ANKRD30BL: variants seen among roughly 807,000 people sequenced by gnomAD.
ANKRD30BL encodes ankyrin repeat domain 30B like.
In ANKRD30BL, 20 loss-of-function variants were observed where a neutral mutation model predicts 18.4. That is an observed-to-expected ratio of 1.09 (90% confidence interval 0.77 to 1.58). The LOEUF (loss-of-function observed/expected upper bound fraction) is 1.58. ANKRD30BL is among the 40% of genes most tolerant of loss of function. The probability of loss-of-function intolerance (pLI) is 0.00; values close to 1 mark genes in which losing one functional copy is unlikely to be tolerated. For missense variants in ANKRD30BL, 224 were observed against 268.6 expected, an observed-to-expected ratio of 0.83 and a Z score of 1.16; for synonymous variants, 72 against 100.9, an observed-to-expected ratio of 0.71 and a Z score of 1.72.
intron 1 of ANKRD30BL, among the ~76,000 whole-genome samples, chr2:132,186,490 A>T (rs554050734): frequency 8.5e-5 from 13 of 152,352 alleles, no homozygotes; most frequent in African/African-American, 2.9e-4. Context: ...AATTCTGCCC[A>T]TTTTGGTGAA....
At chr2:132,162,169 C>T (rs1437647035), upstream of ANKRD30BL, among the ~76,000 whole-genome samples, 2 of 152,140 alleles carry the variant, frequency 1.3e-5, no homozygotes, top group African/African-American at 4.8e-5. Flanking sequence ...GATCCAGGAG[C>T]TGGGCCCTGG....
chr2:132,153,835 C>T (rs568383006), intron 4 of ANKRD30BL: 20 of 347,698 alleles, frequency 5.8e-5, no homozygotes, highest in Non-Finnish European at 1.1e-4. Flanking sequence ...TAAATCACGA[C>T]CAAGGCTAAA....
chr2:132,206,485 T>C (rs1021212399), intron 1 of ANKRD30BL, among the ~76,000 whole-genome samples: 53 of 152,182 alleles, frequency 3.5e-4, no homozygotes, highest in Non-Finnish European at 5.9e-4. Flanking sequence ...TGTAGACAAA[T>C]TACTTAATCT....
intron 1 of ANKRD30BL, among the ~76,000 whole-genome samples, chr2:132,233,913 C>A (rs1334784585): frequency 6.6e-6 from 1 of 152,060 alleles, no homozygotes; most frequent in South Asian, 2.1e-4. Context: ...ACACCTATTC[C>A]AAAATTGACC....
At chr2:132,207,804 T>C (rs1679238050) in intron 1 of ANKRD30BL, among the ~76,000 whole-genome samples, 1 of 152,110 alleles carries the variant, frequency 6.6e-6, no homozygotes, top group African/African-American at 2.4e-5. Context: ...AGTAGCCTGT[T>C]CATTAATTGG....
chr2:132,238,277 G>A (rs1288700014), intron 1 of ANKRD30BL, among the ~76,000 whole-genome samples: 1 of 151,904 alleles, frequency 6.6e-6, no homozygotes, highest in African/African-American at 2.4e-5. Flanking sequence ...ACAGCATTTG[G>A]ATTTCTTTGG....
chr2:132,217,038 T>C (rs781772053), intron 1 of ANKRD30BL, among the ~76,000 whole-genome samples: 1 of 151,998 alleles, frequency 6.6e-6, no homozygotes, highest in Non-Finnish European at 1.5e-5. Context: ...TTTTGACGAA[T>C]CTGCAAGTGG....
In ANKRD30BL at chr2:132,200,300, C is replaced by T. The variant is rs543593436; in HGVS notation, n.442-43154G>A. 6.2e-3 allele frequency among the ~76,000 whole-genome samples: 923 copies of T among 149,266 alleles called. 12 individuals carry two copies. Among genetic ancestry groups the T allele is most frequent in the African/African-American group, 0.022 (857 of 38,818 alleles). ...TGATGGAAGTTCTGGCCAGGGCAATCAGGCAGGAGAAGGAAATAAAGGGTA... is the reference window on the plus strand; with the variant it reads ...TGATGGAAGTTCTGGCCAGGGCAATTAGGCAGGAGAAGGAAATAAAGGGTA... On this transcript the variant is annotated intron_variant and non_coding_transcript_variant, in intron 1 of 4. Transcript: ENST00000470729.
chr2:132,194,032 T>TTC (rs764528052), intron 1 of ANKRD30BL, among the ~76,000 whole-genome samples: 1,729 of 137,902 alleles, frequency 0.013, 35 homozygotes, highest in African/African-American at 0.039. Context: ...CAGAGATAAT[T>TTC]TCTCTCTCTC....
intron 1 of ANKRD30BL, among the ~76,000 whole-genome samples, chr2:132,235,438 C>T (rs1680128658): frequency 6.6e-6 from 1 of 152,028 alleles, no homozygotes; most frequent in Non-Finnish European, 1.5e-5. Flanking sequence ...TCTAGAAAAC[C>T]CCATTGTCTC....
intron 1 of ANKRD30BL, among the ~76,000 whole-genome samples, chr2:132,241,856 T>G (rs796934252): frequency 6.6e-6 from 1 of 152,044 alleles, no homozygotes; most frequent in East Asian, 1.9e-4. Flanking sequence ...GGGAATATCT[T>G]CACATAAAAA....
rs189473343 is a variant in ANKRD30BL, at chr2:132,198,576, G to T, written n.442-41430C>A. Among the ~76,000 whole-genome samples, 160 of 150,916 alleles carry T rather than the reference G, an allele frequency of 1.1e-3. 4 individuals carry two copies. The East Asian group carries it at 0.029, about 27-fold the overall frequency. ...CTGACCTCGTGATCTGCCCGCCTTG[G>T]CCTCCCAAAGTGCTGGGATCACAGG... On this transcript the variant is annotated intron_variant and non_coding_transcript_variant, in intron 1 of 4. Coordinates refer to the ANKRD30BL transcript ENST00000470729.
At chr2:132,151,771 A>G (rs62165776) in intron 4 of ANKRD30BL, among the ~76,000 whole-genome samples, 2 of 151,728 alleles carry the variant, frequency 1.3e-5, no homozygotes, top group Non-Finnish European at 2.9e-5. Context: ...GTAATGAAAT[A>G]TATTTATAAA....
intron 4 of ANKRD30BL, 103 bp downstream of exon 4, chr2:132,154,559 T>A: frequency 1.9e-6 from 1 of 521,564 alleles, no homozygotes; most frequent in Non-Finnish European, 3.5e-6. Context: ...TTCTGCATAA[T>A]CTAATAATTT....
chr2:132,256,471 C>G (rs987685987), intron 1 of ANKRD30BL, among the ~76,000 whole-genome samples: 3 of 152,224 alleles, frequency 2.0e-5, no homozygotes, highest in Non-Finnish European at 4.4e-5. Context: ...GCCACTCATG[C>G]GCGGAGGGCG....
chr2:132,217,014 G>C (rs367644870), intron 1 of ANKRD30BL, among the ~76,000 whole-genome samples: 1 of 150,946 alleles, frequency 6.6e-6, no homozygotes, highest in South Asian at 2.1e-4. Context: ...GATAGGGCAG[G>C]TTTGAAACAC....
upstream of ANKRD30BL, among the ~76,000 whole-genome samples, chr2:132,166,217 T>G (rs1184692755): frequency 6.6e-6 from 1 of 152,208 alleles, no homozygotes. Context: ...GAAGGATTAT[T>G]GAATCTTTGT....
In ANKRD30BL at chr2:132,194,075, T is replaced by A. The variant is rs200602038; in HGVS notation, n.442-36929A>T. Among the ~76,000 whole-genome samples the A allele has an allele frequency of 1.3e-3, 186 of 139,352 alleles. 1 individual carries two copies. The East Asian group carries it at 0.024, about 18-fold the overall frequency. 91.4% of individuals were successfully genotyped at this position (139,352 alleles called of 152,430 possible). On this transcript the variant is annotated intron_variant and non_coding_transcript_variant, in intron 1 of 4. Transcript: ENST00000470729. ...CTCTCTCACACACACACACACACAC[T>A]CACACACACACACACACTCCCCACT...
chr2:132,206,233 T>G (rs1421815538), intron 1 of ANKRD30BL, among the ~76,000 whole-genome samples: 2 of 152,120 alleles, frequency 1.3e-5, no homozygotes, highest in African/African-American at 2.4e-5. Context: ...GTCAGTACAC[T>G]CTTTTGGAGG....
Sources: allele counts gnomAD v4.1 joint callset (sites outside exome capture counted in the v4.1 genomes callset), GRCh38; gene constraint gnomAD v4.1.1; transcripts MANE v1.5; gene names NCBI Gene and HGNC (gene_info 2026-07-23, HGNC 2026-07-21).